SGMS1: variants seen among roughly 807,000 people sequenced by gnomAD.
SGMS1 encodes the protein phosphatidylcholine:ceramide cholinephosphotransferase 1.
Under a neutral mutation model 46.2 loss-of-function variants are expected in SGMS1, and 13 were observed. The observed-to-expected ratio is 0.28, with a 90% CI of 0.18 to 0.45. The LOEUF is 0.45. Among genes scored for constraint, SGMS1 ranks in the 20% least tolerant of loss-of-function variants. SGMS1 has a pLI of 1.00. For synonymous variants in SGMS1, 203 were observed against 187.8 expected, an observed-to-expected ratio of 1.08 and a Z score of -0.66; for missense variants, 324 against 519.9, an observed-to-expected ratio of 0.62 and a Z score of 3.66.
intron 3 of SGMS1, among the ~76,000 whole-genome samples, chr10:50,518,536 C>T (rs1048496167): frequency 6.6e-6 from 1 of 152,152 alleles, no homozygotes; most frequent in African/African-American, 2.4e-5. Context: ...AAGTGATTCT[C>T]GTGCTTCAGC....
intron 5 of SGMS1, among the ~76,000 whole-genome samples, chr10:50,444,982 AAT>A (rs1176975479): frequency 6.6e-6 from 1 of 152,194 alleles, no homozygotes; most frequent in African/African-American, 2.4e-5. Context: ...ACGTATCCAG[AAT>A]ATATAAAGAA....
intron 6 of SGMS1, among the ~76,000 whole-genome samples, chr10:50,397,152 T>C (rs1032280328): frequency 3.9e-5 from 6 of 152,174 alleles, no homozygotes; most frequent in Non-Finnish European, 7.4e-5. Flanking sequence ...AGTTGCTAGA[T>C]TTAGAGAACT....
At position 50,416,889 on chromosome 10, in the gene SGMS1, T is replaced by TA. The variant is rs564006858; in HGVS notation, c.-232+16586dup. Among the ~76,000 whole-genome samples, 225 of 143,602 alleles carry TA rather than the reference T, an allele frequency of 1.6e-3. 1 individual carries two copies. Among genetic ancestry groups the TA allele is most frequent in the African/African-American group, 5.0e-3 (195 of 39,388 alleles). The allele number at this position is 143,602 out of a possible 152,430, so 94.2% of individuals were successfully genotyped here. On this transcript the variant is annotated intron_variant, in intron 6 of 10. Coordinates refer to ENST00000361781, the MANE Select transcript of SGMS1 (RefSeq NM_147156.4). ...CTGCGAAGAATTTTCTTTCTCTCGC[T>TA]AAAAAAAGCCAGCTGCAAAGAATTT...
chr10:50,324,934 G>C (rs746418415), intron 8 of SGMS1, among the ~76,000 whole-genome samples: 1 of 152,142 alleles, frequency 6.6e-6, no homozygotes, highest in Admixed American at 6.5e-5. Context: ...GTAATATAAA[G>C]ATTTTGGACC....
intron 3 of SGMS1, among the ~76,000 whole-genome samples, chr10:50,492,927 G>C (rs550505143): frequency 3.9e-5 from 6 of 152,296 alleles, no homozygotes; most frequent in Non-Finnish European, 7.3e-5. Flanking sequence ...GTAGGAAAGA[G>C]AGCTCTTCTC....
At chr10:50,348,917 T>C (rs923515241) in intron 6 of SGMS1, among the ~76,000 whole-genome samples, 2 of 152,210 alleles carry the variant, frequency 1.3e-5, no homozygotes, top group African/African-American at 2.4e-5. Flanking sequence ...CTTCAAACTA[T>C]ACTACAAGGC....
chr10:50,331,451 T>C (rs551085465), intron 7 of SGMS1, among the ~76,000 whole-genome samples: 2 of 152,376 alleles, frequency 1.3e-5, no homozygotes, highest in Admixed American at 6.5e-5. Flanking sequence ...ATCTACTTAA[T>C]GACTATATTA....
chr10:50,321,359 T>C (rs1425922110), intron 8 of SGMS1, among the ~76,000 whole-genome samples: 1 of 152,210 alleles, frequency 6.6e-6, no homozygotes, highest in Non-Finnish European at 1.5e-5. Flanking sequence ...TCTTTCAATA[T>C]ATCTTTAAAG....
intron 3 of SGMS1, among the ~76,000 whole-genome samples, chr10:50,497,716 C>T (rs1272115924): frequency 1.3e-5 from 2 of 152,040 alleles, no homozygotes; most frequent in South Asian, 4.1e-4. Flanking sequence ...ATCATTTGAA[C>T]CTGGGAGGCG....
At chr10:50,407,074 C>A (rs1423902071) in intron 6 of SGMS1, among the ~76,000 whole-genome samples, 1 of 152,158 alleles carries the variant, frequency 6.6e-6, no homozygotes, top group African/African-American at 2.4e-5. Context: ...AGTTTCTGCT[C>A]CCAGACTGAA....
intron 2 of SGMS1, among the ~76,000 whole-genome samples, chr10:50,549,891 G>A (rs548653210): frequency 7.2e-5 from 11 of 152,194 alleles, no homozygotes; most frequent in Non-Finnish European, 1.5e-4. Flanking sequence ...CCATACAACC[G>A]AGGCTCAGCC....
At chr10:50,382,970 TAA>T (rs1848629354) in intron 6 of SGMS1, among the ~76,000 whole-genome samples, 1 of 152,226 alleles carries the variant, frequency 6.6e-6, no homozygotes, top group South Asian at 2.1e-4. Flanking sequence ...TCAAAGTTTG[TAA>T]AGTCTTTAGA....
chr10:50,560,602 T>C (rs868613513), intron 2 of SGMS1, among the ~76,000 whole-genome samples: 197 of 146,980 alleles, frequency 1.3e-3, no homozygotes, highest in African/African-American at 4.5e-3. Context: ...ATATATGGCA[T>C]ATAATACACA....
rs534511809 is a variant in SGMS1 at position 50,483,631 on chromosome 10, A to G, written c.-497-16699T>C. 3.2e-3 allele frequency among the ~76,000 whole-genome samples: 492 copies of G among 152,360 alleles called. 4 individuals carry two copies. Among genetic ancestry groups the G allele is most frequent in the South Asian group, 5.8e-3 (28 of 4,824 alleles). ...ATGGCAACTTACTCTAAAATTGATTACATAATTAGAAGTAAAACACTCCTC... is the reference window on the plus strand; with the variant it reads ...ATGGCAACTTACTCTAAAATTGATTGCATAATTAGAAGTAAAACACTCCTC... On this transcript the variant is annotated intron_variant, in intron 3 of 10. Coordinates refer to ENST00000361781, the MANE Select transcript of SGMS1 (RefSeq NM_147156.4).
chr10:50,551,330 C>T (rs10763535), intron 2 of SGMS1, among the ~76,000 whole-genome samples: 29,936 of 150,816 alleles, frequency 0.2, 3,901 homozygotes, highest in East Asian at 0.64. Flanking sequence ...AATTAAGGGA[C>T]ATTCTATGAA....
At chr10:50,389,996 T>A (rs1175608914) in intron 6 of SGMS1, among the ~76,000 whole-genome samples, 4 of 152,220 alleles carry the variant, frequency 2.6e-5, no homozygotes, top group Non-Finnish European at 5.9e-5. Flanking sequence ...CAGCACTGCC[T>A]ATTGTTGAAA....
chr10:50,346,062 G>C (rs906894715), intron 6 of SGMS1, among the ~76,000 whole-genome samples: 6 of 152,186 alleles, frequency 3.9e-5, no homozygotes, highest in African/African-American at 1.2e-4. Flanking sequence ...CTGATGAAAT[G>C]TGGCCTTTGG....
At chr10:50,403,703 A>C (rs1299590897) in intron 6 of SGMS1, among the ~76,000 whole-genome samples, 1 of 150,048 alleles carries the variant, frequency 6.7e-6, no homozygotes, top group Non-Finnish European at 1.5e-5. Context: ...GGCTCAATAC[A>C]CTGATGAAGG....
intron 3 of SGMS1, among the ~76,000 whole-genome samples, chr10:50,498,601 T>C (rs1837635768): frequency 1.3e-5 from 2 of 152,248 alleles, no homozygotes; most frequent in Admixed American, 1.3e-4. Flanking sequence ...CTTACTATAA[T>C]GTCCTCAAGG....
Sources: gnomAD v4.1 joint callset for allele counts (sites outside exome capture counted in the v4.1 genomes callset) on GRCh38, gnomAD v4.1.1 for gene constraint, MANE v1.5 for transcripts, NCBI Gene and HGNC (gene_info 2026-07-23, HGNC 2026-07-21) for gene names.